UGT2B15: variants seen among roughly 807,000 people sequenced by gnomAD.
The protein encoded by UGT2B15 is UDP glucuronosyltransferase family 2 member B15, also known as UDP-glucuronosyltransferase 2B15.
UGT2B15 carries 36 observed loss-of-function variants against 45.9 expected under a neutral mutation model. The ratio of observed to expected loss-of-function variants is 0.78; its 90% CI spans 0.60 to 1.04. UGT2B15 has a LOEUF of 1.04. Ranked by LOEUF, UGT2B15 falls within the 50% of genes least tolerant of loss-of-function variation. The pLI, the probability that UGT2B15 is intolerant of heterozygous loss-of-function variation, is 0.00. For synonymous variants in UGT2B15, 219 were observed against 216.4 expected, an observed-to-expected ratio of 1.01 and a Z score of -0.11; for missense variants, 617 against 622.4, an observed-to-expected ratio of 0.99 and a Z score of 0.09.
At chr4:68,647,853 T>C (rs1026785812) in intron 5 of UGT2B15, among the ~76,000 whole-genome samples, 1 of 152,204 alleles carries the variant, frequency 6.6e-6, no homozygotes. Context: ...AAGCTAGGAC[T>C]ACAACTGCAC....
chr4:68,654,251 G>A lies in UGT2B15; in HGVS notation c.1099C>T (p.Pro367Ser). The change falls in exon 5 of 6, where the codon CCC becomes TCC. Residue 367 changes from proline (P) to serine (S), a missense_variant. By Grantham distance (74) the Pro-to-Ser change is moderately conservative. Transcript: ENST00000338206. ...TGAGTTATAAAAGCTTTGGTTTTGGGATGACCTAAAAGTGGATGCATTTTA... is the reference window on the plus strand; with the variant it reads ...TGAGTTATAAAAGCTTTGGTTTTGGAATGACCTAAAAGTGGATGCATTTTA... ...WLPQNDLLGHPKTKAFITHGG... is the reference protein window; with the variant it reads ...WLPQNDLLGHSKTKAFITHGG... 6.2e-7 allele frequency: 1 copy of A among 1,613,146 alleles called. No homozygotes were observed. Among genetic ancestry groups the A allele is most frequent in the Non-Finnish European group, 8.5e-7 (1 of 1,179,382 alleles).
chr4:68,653,890 T>C, intron 5 of UGT2B15, 147 bp downstream of exon 5: 2 of 1,034,182 alleles, frequency 1.9e-6, no homozygotes, highest in African/African-American at 1.6e-5. Flanking sequence ...AAATAAACTG[T>C]CTGGTGGAAA....
At chr4:68,651,642 G>T (rs1310359576) in intron 5 of UGT2B15, among the ~76,000 whole-genome samples, 1 of 151,828 alleles carries the variant, frequency 6.6e-6, no homozygotes, top group Non-Finnish European at 1.5e-5. Flanking sequence ...CCTTTCCCCA[G>T]TTGCTTGTTT....
At chr4:68,661,694 C>T (rs1296506887) in intron 3 of UGT2B15, among the ~76,000 whole-genome samples, 4 of 152,032 alleles carry the variant, frequency 2.6e-5, no homozygotes, top group African/African-American at 9.7e-5. Context: ...AATTTCTTTT[C>T]ATTTGCTAAC....
intron 5 of UGT2B15, 146 bp from the exon 6 acceptor site, chr4:68,647,529 C>T (rs1179702061): frequency 6.6e-6 from 7 of 1,061,502 alleles, no homozygotes; most frequent in Non-Finnish European, 9.0e-6. Context: ...TGTTTTAATT[C>T]ATGTCATTAC....
intron 3 of UGT2B15, among the ~76,000 whole-genome samples, chr4:68,659,929 G>T (rs1345237495): frequency 6.9e-6 from 1 of 145,262 alleles, no homozygotes; most frequent in South Asian, 2.2e-4. Flanking sequence ...CCTTTGTTTT[G>T]TTTTTTTTTC....
At chr4:68,668,512 C>T (rs1733208260) in intron 1 of UGT2B15, among the ~76,000 whole-genome samples, 1 of 151,656 alleles carries the variant, frequency 6.6e-6, no homozygotes, top group Non-Finnish European at 1.5e-5. Flanking sequence ...TGACTGTCCC[C>T]ACCCAAATCT....
chr4:68,649,892 G>C (rs1455996872), intron 5 of UGT2B15, among the ~76,000 whole-genome samples: 1 of 151,488 alleles, frequency 6.6e-6, no homozygotes, highest in Non-Finnish European at 1.5e-5. Flanking sequence ...GAGTTCAGTG[G>C]CACTATCTCG....
chr4:68,656,871 G>A (rs1451508651), intron 3 of UGT2B15, among the ~76,000 whole-genome samples: 1 of 151,984 alleles, frequency 6.6e-6, no homozygotes, highest in African/African-American at 2.4e-5. Flanking sequence ...GATTACCACA[G>A]ATTACCTTGT....
intron 3 of UGT2B15, among the ~76,000 whole-genome samples, chr4:68,655,787 C>G (rs1732786460): frequency 6.6e-6 from 1 of 152,070 alleles, no homozygotes; most frequent in African/African-American, 2.4e-5. Context: ...CCCCCCACCA[C>G]CTTGGACACA....
In UGT2B15 at chr4:68,655,094, C is replaced by A; in HGVS notation, c.1093+1G>T. On this transcript the variant is annotated splice_donor_variant, in intron 4 of 5. Coordinates refer to ENST00000338206, the MANE Select transcript of UGT2B15 (RefSeq NM_001076.4). LOFTEE classifies it high-confidence loss of function. ...TCACTGTTTGTTCTCCAGAATCTTACCAAGAAGGTCATTCTGGGGTAACCA... is the reference window on the plus strand; with the variant it reads ...TCACTGTTTGTTCTCCAGAATCTTAACAAGAAGGTCATTCTGGGGTAACCA... The A allele has an allele frequency of 3.1e-6, 5 of 1,612,694 alleles. No individual in the cohort carries two copies. Among genetic ancestry groups the A allele is most frequent in the Non-Finnish European group, 4.2e-6 (5 of 1,179,400 alleles).
At chr4:68,662,667 AC>A (rs1452933965) in intron 3 of UGT2B15, among the ~76,000 whole-genome samples, 1 of 151,970 alleles carries the variant, frequency 6.6e-6, no homozygotes, top group African/African-American at 2.4e-5. Flanking sequence ...TGTATACAGT[AC>A]CTTCTAAAAT....
intron 3 of UGT2B15, among the ~76,000 whole-genome samples, chr4:68,662,197 A>G (rs1185543875): frequency 1.3e-5 from 2 of 152,080 alleles, no homozygotes; most frequent in East Asian, 3.8e-4. Context: ...AGTTCCTACC[A>G]TGTTTATTTA....
chr4:68,670,050 A>T lies in UGT2B15; in HGVS notation c.569T>A (p.Phe190Tyr). Reference protein sequence around the residue: ...TFEKNGGGFLFPPSYVPVVMS... With the variant: ...TFEKNGGGFLYPPSYVPVVMS... ...AACAACAGGTACATAGGAAGGAGGG[A>T]ACAGAAATCCTCCACCATTCTTCTC... Residue 190 changes from phenylalanine (F) to tyrosine (Y), a missense_variant, in exon 1 of 6, where the codon TTC (phenylalanine) becomes TAC (tyrosine). Physicochemically the swap from Phe to Tyr is conservative, Grantham distance 22. Coordinates refer to ENST00000338206, the MANE Select transcript of UGT2B15 (RefSeq NM_001076.4). 6.2e-7 allele frequency: 1 copy of T among 1,614,086 alleles called. No homozygotes were observed.
intron 5 of UGT2B15, among the ~76,000 whole-genome samples, chr4:68,647,804 C>T (rs1732527687): frequency 6.6e-6 from 1 of 152,036 alleles, no homozygotes; most frequent in South Asian, 2.1e-4. Context: ...CAGCCTTTCT[C>T]TTTCGGTCTC....
chr4:68,647,287 G>A lies in UGT2B15; in HGVS notation c.1410C>T (p.Arg470=), dbSNP rs763244703. 3 of 1,613,934 alleles carry A rather than the reference G, an allele frequency of 1.9e-6. No homozygotes were observed. The highest frequency in any genetic ancestry group is 4.5e-5 in the East Asian group (2 of 44,878). The change falls in exon 6 of 6, where the codon CGC becomes CGT. Residue 470 remains arginine, a synonymous_variant. Transcript: ENST00000338206. ...RAVFWIEFVM[R]HKGAKHLRVA... is the part of the protein sequence containing the mutation. ...CTCGAAGGTGCTTGGCTCCTTTGTG[G>A]CGCATGACAAACTCAATCCAGAAGA...
At position 68,646,812 on chromosome 4, in the gene UGT2B15, C is replaced by A; in HGVS notation, c.*292G>T. On this transcript the variant is annotated 3_prime_UTR_variant, in exon 6 of 6. Transcript: ENST00000338206. Reference sequence around the variant, plus strand: ...CGTGCAGGTTAGCTACATATGTATACATGTGCCATGTTGGCGTGCTGCATC... The same window carrying A: ...CGTGCAGGTTAGCTACATATGTATAAATGTGCCATGTTGGCGTGCTGCATC... 3.0e-6 allele frequency: 1 copy of A among 328,364 alleles called. No individual in the cohort carries two copies. The highest frequency in any genetic ancestry group is 4.5e-5 in the South Asian group (1 of 22,156). 20.3% of individuals were successfully genotyped at this position (328,364 alleles called of 1,614,324 possible).
intron 2 of UGT2B15, among the ~76,000 whole-genome samples, chr4:68,666,758 T>A (rs921857270): frequency 7.5e-5 from 11 of 145,792 alleles, no homozygotes; most frequent in Non-Finnish European, 1.7e-4. Context: ...ATATATTTTT[T>A]TTTTTTGAGA....
intron 3 of UGT2B15, among the ~76,000 whole-genome samples, chr4:68,657,815 A>G (rs1383769662): frequency 6.6e-6 from 1 of 151,844 alleles, no homozygotes; most frequent in Non-Finnish European, 1.5e-5. Context: ...AAGCTGGTCA[A>G]TTTTTTTTAT....
Sources: allele counts gnomAD v4.1 joint callset (sites outside exome capture counted in the v4.1 genomes callset), GRCh38; gene constraint gnomAD v4.1.1; transcripts MANE v1.5; gene names NCBI Gene and HGNC (gene_info 2026-07-23, HGNC 2026-07-21).